The following FMN2 variants were observed in gnomAD, a reference collection of about 807,000 sequenced individuals.
FMN2 encodes the protein formin 2, also known as formin-2.
In FMN2, 51 loss-of-function variants were observed where a neutral mutation model predicts 142.3. The ratio of observed to expected loss-of-function variants is 0.36; its 90% confidence interval spans 0.29 to 0.45. The LOEUF (loss-of-function observed/expected upper bound fraction) is 0.45. Ranked by LOEUF, FMN2 falls within the 20% of genes least tolerant of loss-of-function variation. The pLI is 1.00. For synonymous variants in FMN2, 882 were observed against 869.8 expected, an observed-to-expected ratio of 1.01 and a Z score of -0.25; for missense variants, 1,936 against 2,122.8, an observed-to-expected ratio of 0.91 and a Z score of 1.73.
intron 7 of FMN2, among the ~76,000 whole-genome samples, chr1:240,271,586 G>T (rs1669018981): frequency 6.6e-6 from 1 of 151,852 alleles, no homozygotes; most frequent in Non-Finnish European, 1.5e-5. Flanking sequence ...ACTAAATGCT[G>T]TTGGGAGGTT....
In FMN2 at chr1:240,143,015, C is replaced by T; in HGVS notation, c.1782+19670C>T. ...AGAGAGGCACGGTGAGCAGCCCAGC[C>T]ATGGCCACTGGACTCATAAGCTGCC... On this transcript the variant is annotated intron_variant, in intron 2 of 17. Transcript: ENST00000319653. 3 of 1,520,628 alleles carry T rather than the reference C, an allele frequency of 2.0e-6. No individual in the cohort carries two copies. The East Asian group carries it at 6.8e-5, about 34-fold the overall frequency. The allele number at this position is 1,520,628 out of a possible 1,614,324, so 94.2% of individuals were successfully genotyped here.
At chr1:240,141,055 C>T (rs951230700) in intron 2 of FMN2, among the ~76,000 whole-genome samples, 4 of 152,184 alleles carry the variant, frequency 2.6e-5, no homozygotes, top group Non-Finnish European at 5.9e-5. Context: ...CTTTCATTTA[C>T]AACAGAGTCT....
At chr1:240,260,438 G>A (rs113202871) in intron 7 of FMN2, among the ~76,000 whole-genome samples, 171 of 151,706 alleles carry the variant, frequency 1.1e-3, no homozygotes, top group African/African-American at 3.9e-3. Flanking sequence ...TTTTTTTAAT[G>A]TGGCCATTCT....
chr1:240,151,602 A>G (rs1663777576), intron 2 of FMN2, among the ~76,000 whole-genome samples: 1 of 152,010 alleles, frequency 6.6e-6, no homozygotes, highest in African/African-American at 2.4e-5. Context: ...TTCGTACAGT[A>G]TTTCTTTTTG....
intron 2 of FMN2, among the ~76,000 whole-genome samples, chr1:240,177,361 C>CTTTTTTTTTTT (rs201779468): frequency 7.3e-6 from 1 of 137,360 alleles, no homozygotes. Context: ...CTATTCAATT[C>CTTTTTTTTTTT]TTTTTTTTTT....
At chr1:240,468,163 G>A (rs570641309) in intron 16 of FMN2, among the ~76,000 whole-genome samples, 1 of 151,184 alleles carries the variant, frequency 6.6e-6, no homozygotes, top group East Asian at 1.9e-4. Flanking sequence ...AATGCCCTGG[G>A]TAGTCCCCCT....
rs777021896 is a variant in FMN2 at position 240,228,327 on chromosome 1, AAAAAAGAAAAAGAAAAAGAAAAAGAAAG to A, written c.4065+17098_4065+17125del. Among the ~76,000 whole-genome samples the A allele has an allele frequency of 4.1e-4, 32 of 78,360 alleles. 1 individual carries two copies. The Middle Eastern group carries it at 0.024, about 58-fold the overall frequency. 51.4% of individuals were successfully genotyped at this position (78,360 alleles called of 152,430 possible). Reference sequence around the variant, plus strand: ...TCAAAAAAAAAAAAAAAAAAAAAAAAAAAAAGAAAAAGAAAAAGAAAAAGAAAGAAAAAAAATGGGCAAAAGGTTTCAG... The same window carrying A: ...TCAAAAAAAAAAAAAAAAAAAAAAAAAAAAAAAATGGGCAAAAGGTTTCAG... On this transcript the variant is annotated intron_variant, in intron 6 of 17. Transcript: ENST00000319653.
chr1:240,333,185 G>C (rs551456801), intron 11 of FMN2, among the ~76,000 whole-genome samples: 6 of 152,128 alleles, frequency 3.9e-5, no homozygotes, highest in African/African-American at 1.4e-4. Flanking sequence ...AAAAATTAAT[G>C]CGCCTAAATA....
intron 15 of FMN2, among the ~76,000 whole-genome samples, chr1:240,409,188 G>C (rs1033876909): frequency 1.3e-5 from 2 of 152,038 alleles, no homozygotes; most frequent in Non-Finnish European, 2.9e-5. Context: ...TGCTGCCCAG[G>C]CTGGAGTGTG....
intron 16 of FMN2, among the ~76,000 whole-genome samples, chr1:240,453,045 G>T (rs1462266026): frequency 1.3e-5 from 2 of 152,158 alleles, no homozygotes; most frequent in African/African-American, 2.4e-5. Context: ...TGTACTCTCT[G>T]AACCTGTTTC....
In FMN2 at chr1:240,329,186, C is replaced by G; in HGVS notation, c.4307+19C>G. 1 of 1,613,550 alleles carries G rather than the reference C, an allele frequency of 6.2e-7. No homozygotes were observed. Among genetic ancestry groups the G allele is most frequent in the South Asian group, 1.1e-5 (1 of 90,974 alleles). On this transcript the variant is annotated intron_variant, in intron 9 of 17. Transcript: ENST00000319653. ...CTGAACAGTAAGCATGTCTTATAAC[C>G]ACGTAGAGGGCGTCCAGGCTATGGG...
At chr1:240,239,683 A>T (rs977745242) in intron 6 of FMN2, among the ~76,000 whole-genome samples, 3 of 152,258 alleles carry the variant, frequency 2.0e-5, no homozygotes, top group African/African-American at 7.2e-5. Flanking sequence ...AAGAAATCAA[A>T]TCTTGTCCCT....
At chr1:240,180,980 G>A (rs1665127414) in intron 3 of FMN2, among the ~76,000 whole-genome samples, 3 of 151,616 alleles carry the variant, frequency 2.0e-5, no homozygotes, top group Admixed American at 6.6e-5. Context: ...TGCGTGCTTC[G>A]TTCGTTGTTT....
At chr1:240,303,851 C>T (rs1370683035) in intron 8 of FMN2, among the ~76,000 whole-genome samples, 2 of 152,024 alleles carry the variant, frequency 1.3e-5, no homozygotes, top group Non-Finnish European at 2.9e-5. Context: ...ACTTTTCTTC[C>T]ATTTTTCTTT....
chr1:240,323,415 C>T (rs981549521), intron 8 of FMN2, among the ~76,000 whole-genome samples: 34 of 152,238 alleles, frequency 2.2e-4, no homozygotes, highest in African/African-American at 7.0e-4. Context: ...AGGCTGATAT[C>T]GAACTCCAGA....
At chr1:240,170,621 T>C in intron 2 of FMN2, 1 of 1,574,664 alleles carries the variant, frequency 6.4e-7, no homozygotes, top group East Asian at 2.2e-5. Flanking sequence ...GAATGCACAG[T>C]TGTGGCTGAT....
chr1:240,405,875 C>T (rs1023127853), intron 15 of FMN2, among the ~76,000 whole-genome samples: 2 of 152,170 alleles, frequency 1.3e-5, no homozygotes, highest in Admixed American at 1.3e-4. Context: ...ATTAGAAGGG[C>T]TCATTTGCCT....
chr1:240,176,868 A>G (rs1664940505), intron 2 of FMN2, among the ~76,000 whole-genome samples: 1 of 152,204 alleles, frequency 6.6e-6, no homozygotes, highest in South Asian at 2.1e-4. Context: ...GACTGTCCCT[A>G]AATGTAAAGC....
chr1:240,155,517 G>T (rs1663986901), intron 2 of FMN2, among the ~76,000 whole-genome samples: 1 of 152,142 alleles, frequency 6.6e-6, no homozygotes, highest in Non-Finnish European at 1.5e-5. Flanking sequence ...CTGGCCTCAA[G>T]TGTTCCTCCT....
Sources: gnomAD v4.1 joint callset for allele counts (sites outside exome capture counted in the v4.1 genomes callset) on GRCh38, gnomAD v4.1.1 for gene constraint, MANE v1.5 for transcripts, NCBI Gene and HGNC (gene_info 2026-07-23, HGNC 2026-07-21) for gene names.